The following FNIP1 variants were observed in gnomAD, a reference collection of about 807,000 sequenced individuals.
FNIP1 encodes the protein folliculin interacting protein 1.
Under a neutral mutation model 124.5 loss-of-function variants are expected in FNIP1, and 40 were observed. That is an observed-to-expected ratio of 0.32 (90% CI 0.25 to 0.42). The LOEUF is 0.42. Ranked by LOEUF, FNIP1 falls within the 10% of genes least tolerant of loss-of-function variation. The probability of loss-of-function intolerance (pLI) is 1.00; values close to 1 mark genes in which losing one functional copy is unlikely to be tolerated. For missense variants in FNIP1, 1,176 were observed against 1,403.7 expected, an observed-to-expected ratio of 0.84 and a Z score of 2.59; for synonymous variants, 472 against 470.6, an observed-to-expected ratio of 1.00 and a Z score of -0.04.
At position 131,710,621 on chromosome 5, in the gene FNIP1, C is replaced by T; in HGVS notation, c.663G>A (p.Glu221=). The T allele has an allele frequency of 2.5e-6, 4 of 1,614,074 alleles. No homozygotes were observed. Among genetic ancestry groups the T allele is most frequent in the Non-Finnish European group, 3.4e-6 (4 of 1,180,004 alleles). The change falls in exon 7 of 18, where the codon GAG becomes GAA. Residue 221 remains glutamate (E), a synonymous_variant. Transcript: ENST00000510461. ...TCCTGATCAGGCGGAGCGGACCCTG[C>T]TCAGAGAATGCCCGCCTGGGGCTGC... The part of the protein sequence containing the change: ...QFCSPRRAFS[E]QGPLRLIRSA...
At chr5:131,691,777 G>T (rs983575694) in intron 11 of FNIP1, among the ~76,000 whole-genome samples, 9 of 152,090 alleles carry the variant, frequency 5.9e-5, no homozygotes, top group Non-Finnish European at 1.2e-4. Context: ...AGGAGAAATA[G>T]ATTAACTTGA....
At chr5:131,768,328 G>A (rs1245987817) in intron 1 of FNIP1, among the ~76,000 whole-genome samples, 1 of 152,098 alleles carries the variant, frequency 6.6e-6, no homozygotes, top group East Asian at 1.9e-4. Context: ...AATGTACCTG[G>A]CCTATGTGGT....
chr5:131,774,591 A>C (rs1771741523), intron 1 of FNIP1, among the ~76,000 whole-genome samples: 1 of 152,210 alleles, frequency 6.6e-6, no homozygotes, highest in Non-Finnish European at 1.5e-5. Flanking sequence ...GCTAACTAAT[A>C]AAGGTAACCT....
chr5:131,774,797 A>G (rs1771747675), intron 1 of FNIP1, among the ~76,000 whole-genome samples: 1 of 152,216 alleles, frequency 6.6e-6, no homozygotes. Context: ...AAACACAGTC[A>G]TGGAATTTGA....
chr5:131,747,346 T>C (rs1422692868), intron 1 of FNIP1, among the ~76,000 whole-genome samples: 1 of 152,212 alleles, frequency 6.6e-6, no homozygotes, highest in Non-Finnish European at 1.5e-5. Flanking sequence ...ACAGAAAATA[T>C]AATTTTGGTT....
chr5:131,685,945 T>C (rs536063077), intron 11 of FNIP1, among the ~76,000 whole-genome samples: 4 of 152,166 alleles, frequency 2.6e-5, no homozygotes, highest in East Asian at 1.9e-4. Context: ...ATGTGTGTGT[T>C]TGAATTGTGG....
At chr5:131,725,910 G>A (rs1307181688) in intron 3 of FNIP1, among the ~76,000 whole-genome samples, 2 of 152,088 alleles carry the variant, frequency 1.3e-5, no homozygotes, top group Non-Finnish European at 2.9e-5. Flanking sequence ...GCATGATAGG[G>A]TGTTGAATTT....
At chr5:131,665,513 T>C (rs1050791781) in intron 15 of FNIP1, among the ~76,000 whole-genome samples, 1 of 151,548 alleles carries the variant, frequency 6.6e-6, no homozygotes, top group African/African-American at 2.4e-5. Context: ...TTTTTCCATG[T>C]AGTCACATAA....
At chr5:131,654,204 C>T (rs1767126264) in intron 15 of FNIP1, among the ~76,000 whole-genome samples, 1 of 152,148 alleles carries the variant, frequency 6.6e-6, no homozygotes, top group Admixed American at 6.5e-5. Context: ...CCAAAAATGA[C>T]AATTAAGTAC....
intron 15 of FNIP1, 87 bp downstream of exon 15, chr5:131,670,376 T>C: frequency 8.3e-7 from 1 of 1,198,778 alleles, no homozygotes; most frequent in East Asian, 2.5e-5. Context: ...TTGTAAAAAG[T>C]ATGACCAAAA....
intron 15 of FNIP1, among the ~76,000 whole-genome samples, chr5:131,652,748 G>C (rs1271442976): frequency 2.0e-5 from 3 of 152,032 alleles, no homozygotes; most frequent in Non-Finnish European, 4.4e-5. Flanking sequence ...GACTGCTTAA[G>C]GCCAGGAGCT....
intron 1 of FNIP1, among the ~76,000 whole-genome samples, chr5:131,788,650 G>A (rs975791683): frequency 4.7e-5 from 7 of 149,864 alleles, no homozygotes; most frequent in African/African-American, 1.2e-4. Flanking sequence ...GCAGTGAGCC[G>A]GGATTGTGCC....
intron 15 of FNIP1, among the ~76,000 whole-genome samples, chr5:131,664,515 A>G (rs1767534455): frequency 1.3e-5 from 2 of 151,818 alleles, no homozygotes; most frequent in African/African-American, 2.4e-5. Context: ...ATGTGCCTAC[A>G]GTCCCAGCTA....
intron 15 of FNIP1, among the ~76,000 whole-genome samples, chr5:131,653,729 T>C (rs1474485648): frequency 6.6e-6 from 1 of 152,212 alleles, no homozygotes; most frequent in African/African-American, 2.4e-5. Flanking sequence ...TTATACTGTT[T>C]GAACTTTTAA....
Position 131,672,111 on chromosome 5 carries a change from C to T in FNIP1, c.2333G>A (p.Arg778Lys), listed in dbSNP as rs1767773676. Reference protein sequence around the residue: ...RSQAVVDQITRHHTKPLKEER... With the variant: ...RSQAVVDQITKHHTKPLKEER... ...TTCCTTCAATGGTTTGGTGTGATGT[C>T]TGGTAATCTGATCCACCACTGCCTG... Residue 778 changes from arginine (R) to lysine (K), a missense_variant, in exon 14 of 18, where the codon AGA becomes AAA. By Grantham distance (26) the Arg-to-Lys change is conservative. This residue lies in a region of FNIP1 where 1,109 missense variants were observed against 1,288.5 expected (regional missense o/e 0.86). Transcript: ENST00000510461. The T allele has an allele frequency of 1.2e-6, 2 of 1,614,118 alleles. No individual in the cohort carries two copies. The highest frequency in any genetic ancestry group is 1.7e-6 in the Non-Finnish European group (2 of 1,180,030).
chr5:131,743,743 G>A (rs995982681), intron 2 of FNIP1, among the ~76,000 whole-genome samples: 1 of 152,134 alleles, frequency 6.6e-6, no homozygotes, highest in African/African-American at 2.4e-5. Flanking sequence ...ACCATGTAAA[G>A]GGTAGAGTGA....
chr5:131,652,798 C>A (rs993406753), intron 15 of FNIP1, among the ~76,000 whole-genome samples: 1 of 151,910 alleles, frequency 6.6e-6, no homozygotes, highest in African/African-American at 2.4e-5. Context: ...CTCGTCTCTA[C>A]AAAAAAATCT....
At chr5:131,787,595 C>T (rs900329995) in intron 1 of FNIP1, among the ~76,000 whole-genome samples, 3 of 152,136 alleles carry the variant, frequency 2.0e-5, no homozygotes, top group Admixed American at 1.3e-4. Context: ...TTAATAGCCA[C>T]GTGACATGGG....
At chr5:131,704,905 G>C (rs772246116) in intron 9 of FNIP1, among the ~76,000 whole-genome samples, 39 of 151,824 alleles carry the variant, frequency 2.6e-4, no homozygotes, top group Non-Finnish European at 4.4e-4. Flanking sequence ...TAACACAAAA[G>C]GCACAGTCAA....
Sources: allele counts gnomAD v4.1 joint callset (sites outside exome capture counted in the v4.1 genomes callset), GRCh38; gene constraint gnomAD v4.1.1; regional missense constraint gnomAD v4.1.1; transcripts MANE v1.5; gene names NCBI Gene and HGNC (gene_info 2026-07-23, HGNC 2026-07-21).